MAGI1: variants seen among roughly 807,000 people sequenced by gnomAD.
MAGI1 encodes the protein membrane-associated guanylate kinase, WW and PDZ domain-containing protein 1.
In MAGI1, 58 loss-of-function variants were observed where a neutral mutation model predicts 139.9. The ratio of observed to expected loss-of-function variants is 0.41; its 90% CI spans 0.34 to 0.52. MAGI1 has a LOEUF of 0.52. Ranked by LOEUF, MAGI1 falls within the 20% of genes least tolerant of loss-of-function variation. The pLI is 0.12. For synonymous variants in MAGI1, 812 were observed against 737.9 expected (o/e 1.10, Z -1.63); for missense variants, 1,874 against 1,901.6 (o/e 0.99, Z 0.27).
At chr3:65,639,879 G>A (rs2107229256) in intron 1 of MAGI1, among the ~76,000 whole-genome samples, 1 of 151,768 alleles carries the variant, frequency 6.6e-6, no homozygotes, top group Non-Finnish European at 1.5e-5. Flanking sequence ...GTGCATGCCT[G>A]TAATCCCAGC....
chr3:65,481,046 C>T (rs961737970), intron 3 of MAGI1, among the ~76,000 whole-genome samples: 1 of 152,132 alleles, frequency 6.6e-6, no homozygotes, highest in African/African-American at 2.4e-5. Context: ...AAATGCAGTA[C>T]ATGAAAGAGC....
chr3:65,700,067 T>C (rs1195529079), intron 1 of MAGI1, among the ~76,000 whole-genome samples: 1 of 152,104 alleles, frequency 6.6e-6, no homozygotes, highest in Non-Finnish European at 1.5e-5. Flanking sequence ...AAACTGATTT[T>C]TAACTACATA....
chr3:65,846,976 C>CAAAAAAAAAAAAAAAAAAA (rs58391331), intron 1 of MAGI1, among the ~76,000 whole-genome samples: 32 of 80,970 alleles, frequency 4.0e-4, no homozygotes, highest in African/African-American at 1.1e-3. Flanking sequence ...CAATGTCTTA[C>CAAAAAAAAAAAAAAAAAAA]AAAAAAAAAA....
chr3:65,735,680 A>C (rs1378314479), intron 1 of MAGI1, among the ~76,000 whole-genome samples: 1 of 152,170 alleles, frequency 6.6e-6, no homozygotes, highest in Non-Finnish European at 1.5e-5. Context: ...CATTATTATC[A>C]ACAACCTACT....
Position 65,375,763 on chromosome 3 carries a change from G to C in MAGI1, c.3178C>G (p.Arg1060Gly). The change falls in exon 18 of 23, where the codon CGC becomes GGC. Residue 1060 changes from arginine to glycine, a missense_variant. Coordinates refer to ENST00000402939, the MANE Select transcript of MAGI1 (RefSeq NM_001033057.2). Reference sequence around the variant, plus strand: ...ACTTTACCATCCCCAGGAATGATGCGGAGGGTAACTGTGTTTCCCGCTTCC... The same window carrying C: ...ACTTTACCATCCCCAGGAATGATGCCGAGGGTAACTGTGTTTCCCGCTTCC... ...IKEAGNTVTL[R>G]IIPGDESSNA... 6.2e-7 allele frequency: 1 copy of C among 1,613,058 alleles called. No homozygotes were observed. Among genetic ancestry groups the C allele is most frequent in the Non-Finnish European group, 8.5e-7 (1 of 1,179,164 alleles).
At chr3:66,030,465 G>A (rs2068529799) in intron 1 of MAGI1, among the ~76,000 whole-genome samples, 1 of 152,194 alleles carries the variant, frequency 6.6e-6, no homozygotes, top group African/African-American at 2.4e-5. Context: ...CCATCTCAGA[G>A]CTTACATTCT....
chr3:65,766,025 A>C (rs1189546597), intron 1 of MAGI1, among the ~76,000 whole-genome samples: 1 of 152,240 alleles, frequency 6.6e-6, no homozygotes, highest in Admixed American at 6.5e-5. Flanking sequence ...AGTTGAGATG[A>C]GTAGGCAGGA....
At chr3:65,378,265 A>G (rs1165919459) in intron 17 of MAGI1, among the ~76,000 whole-genome samples, 1 of 152,224 alleles carries the variant, frequency 6.6e-6, no homozygotes, top group African/African-American at 2.4e-5. Context: ...TCCTTCTGAG[A>G]AAGTGACAAC....
chr3:65,370,481 T>C (rs904929030), intron 18 of MAGI1, among the ~76,000 whole-genome samples: 4 of 152,242 alleles, frequency 2.6e-5, no homozygotes, highest in African/African-American at 7.2e-5. Context: ...TTATGTTTAC[T>C]TGTTTCTAAC....
intron 2 of MAGI1, among the ~76,000 whole-genome samples, chr3:65,553,669 G>GT (rs2079956426): frequency 1.3e-5 from 2 of 152,106 alleles, no homozygotes; most frequent in African/African-American, 4.8e-5. Context: ...GAGTCCAAAA[G>GT]TTTTTCCCTG....
chr3:65,465,867 T>C (rs1408368295), intron 5 of MAGI1, among the ~76,000 whole-genome samples: 1 of 152,168 alleles, frequency 6.6e-6, no homozygotes, highest in African/African-American at 2.4e-5. Context: ...GTTAGATCTT[T>C]TGTTACTGTT....
intron 1 of MAGI1, chr3:65,872,823 T>C (rs2059984417): frequency 6.6e-6 from 1 of 152,178 alleles, no homozygotes; most frequent in Admixed American, 6.5e-5. Flanking sequence ...GTACATACCA[T>C]AGTTTTTATT....
intron 1 of MAGI1, among the ~76,000 whole-genome samples, chr3:65,969,358 G>C (rs958109569): frequency 3.3e-5 from 5 of 152,142 alleles, no homozygotes; most frequent in Non-Finnish European, 5.9e-5. Context: ...AGGGGCTGGG[G>C]GGTGGCTGTC....
At chr3:66,011,785 T>C (rs1053535827) in intron 1 of MAGI1, among the ~76,000 whole-genome samples, 4 of 149,700 alleles carry the variant, frequency 2.7e-5, no homozygotes, top group Non-Finnish European at 5.9e-5. Flanking sequence ...ATGTCCTATA[T>C]GGTAATCATC....
chr3:65,468,995 G>GTA (rs1559582167), intron 5 of MAGI1, among the ~76,000 whole-genome samples: 6 of 99,514 alleles, frequency 6.0e-5, no homozygotes, highest in East Asian at 4.3e-4. Flanking sequence ...ATAAATGTGT[G>GTA]TATACACACA....
intron 1 of MAGI1, among the ~76,000 whole-genome samples, chr3:66,017,207 C>T (rs143267095): frequency 1.3e-5 from 2 of 152,224 alleles, no homozygotes; most frequent in Non-Finnish European, 2.9e-5. Flanking sequence ...AGTTGCACTG[C>T]CGGGAACCCC....
In MAGI1 at chr3:65,522,728, T is replaced by A. The variant is rs955550532; in HGVS notation, c.431-29097A>T. On this transcript the variant is annotated intron_variant, in intron 2 of 22. Coordinates refer to ENST00000402939, the MANE Select transcript of MAGI1 (RefSeq NM_001033057.2). Reference sequence around the variant, plus strand: ...GGGTACTTTTAGCTCCCCACAAACCTCTCCCCAAAGTAAATGCTTCAAAGG... The same window carrying A: ...GGGTACTTTTAGCTCCCCACAAACCACTCCCCAAAGTAAATGCTTCAAAGG... Among the ~76,000 whole-genome samples the A allele has an allele frequency of 2.0e-5, 3 of 152,030 alleles. No individual in the cohort carries two copies. In the East Asian group the frequency reaches 5.8e-4, roughly 29 times the overall value.
At chr3:65,543,958 C>T (rs1156614095) in intron 2 of MAGI1, among the ~76,000 whole-genome samples, 1 of 151,940 alleles carries the variant, frequency 6.6e-6, no homozygotes, top group African/African-American at 2.4e-5. Flanking sequence ...AAAAGCCAAT[C>T]ATTTTAGACA....
At chr3:65,550,100 T>C (rs1166398847) in intron 2 of MAGI1, among the ~76,000 whole-genome samples, 2 of 152,044 alleles carry the variant, frequency 1.3e-5, no homozygotes, top group Non-Finnish European at 2.9e-5. Flanking sequence ...CTGGCCCCAT[T>C]CCATAGAAGA....
Sources: allele counts gnomAD v4.1 joint callset (sites outside exome capture counted in the v4.1 genomes callset), GRCh38; gene constraint gnomAD v4.1.1; transcripts MANE v1.5; gene names NCBI Gene and HGNC (gene_info 2026-07-23, HGNC 2026-07-21).